The following RBFOX3 variants were observed in gnomAD, a reference collection of about 807,000 sequenced individuals.
The protein encoded by RBFOX3 is RNA binding protein fox-1 homolog 3.
Under a neutral mutation model 48.7 loss-of-function variants are expected in RBFOX3, and 17 were observed. The ratio of observed to expected loss-of-function variants is 0.35; its 90% CI spans 0.24 to 0.52. The LOEUF is 0.52. Ranked by LOEUF, RBFOX3 falls within the 20% of genes least tolerant of loss-of-function variation. The pLI is 0.94. For synonymous variants in RBFOX3, 212 were observed against 209.5 expected (o/e 1.01, Z -0.10); for missense variants, 382 against 497.5 (o/e 0.77, Z 2.21).
chr17:79,114,607 G>C (rs1000630230), intron 5 of RBFOX3, among the ~76,000 whole-genome samples: 4 of 152,240 alleles, frequency 2.6e-5, no homozygotes, highest in African/African-American at 9.6e-5. Context: ...TCGGGAGGGG[G>C]ACCCCCATTG....
At chr17:79,219,945 C>T (rs1481302135) in intron 4 of RBFOX3, among the ~76,000 whole-genome samples, 2 of 151,834 alleles carry the variant, frequency 1.3e-5, no homozygotes, top group African/African-American at 2.4e-5. Flanking sequence ...CCCCCTGTCC[C>T]AGCCCCACCG....
intron 2 of RBFOX3, among the ~76,000 whole-genome samples, chr17:79,313,611 A>G (rs528979209): frequency 6.6e-5 from 10 of 152,100 alleles, no homozygotes; most frequent in Non-Finnish European, 1.3e-4. Context: ...GCGGGGCGGG[A>G]CCTCATCTTT....
At chr17:79,406,871 C>G (rs751578753) in intron 2 of RBFOX3, among the ~76,000 whole-genome samples, 4 of 152,182 alleles carry the variant, frequency 2.6e-5, no homozygotes, top group Non-Finnish European at 5.9e-5. Context: ...AAGAAATACC[C>G]GAAGCTGGCT....
intron 2 of RBFOX3, among the ~76,000 whole-genome samples, chr17:79,334,955 ATT>A (rs901672285): frequency 3.3e-5 from 5 of 152,078 alleles, no homozygotes; most frequent in African/African-American, 4.8e-5. Context: ...AACCTTGGAC[ATT>A]CTGTCTAGAA....
chr17:79,307,386 T>G (rs2076245156), intron 3 of RBFOX3, among the ~76,000 whole-genome samples: 1 of 152,240 alleles, frequency 6.6e-6, no homozygotes, highest in African/African-American at 2.4e-5. Context: ...GAGAGTTTAA[T>G]AAAAAGGCAG....
At chr17:79,332,577 A>AG (rs2080492823) in intron 2 of RBFOX3, among the ~76,000 whole-genome samples, 1 of 152,088 alleles carries the variant, frequency 6.6e-6, no homozygotes, top group Non-Finnish European at 1.5e-5. Flanking sequence ...GGGGAGACAG[A>AG]AACATAGAAC....
At chr17:79,406,264 C>G (rs548768730) in intron 2 of RBFOX3, among the ~76,000 whole-genome samples, 1 of 152,324 alleles carries the variant, frequency 6.6e-6, no homozygotes, top group East Asian at 1.9e-4. Context: ...TTTGCTCGTT[C>G]TCCCAGCTGC....
At chr17:79,645,212 A>T in the RBFOX3 span, among the ~76,000 whole-genome samples, 1 of 152,036 alleles carries the variant, frequency 6.6e-6, no homozygotes, top group East Asian at 1.9e-4. Flanking sequence ...TCTTTCGCTC[A>T]TTCTTAGGTC....
chr17:79,296,833 TC>T (rs1221024681), intron 3 of RBFOX3, among the ~76,000 whole-genome samples: 3 of 69,130 alleles, frequency 4.3e-5, no homozygotes, highest in African/African-American at 1.8e-4. Context: ...CCCTTCTTCC[TC>T]CCCCCTCCTC....
chr17:79,334,223 G>T (rs1568061518), intron 2 of RBFOX3, among the ~76,000 whole-genome samples: 2 of 152,120 alleles, frequency 1.3e-5, no homozygotes, highest in South Asian at 2.1e-4. Context: ...CGAGACTCCT[G>T]TGTCCTAGTA....
intron 3 of RBFOX3, among the ~76,000 whole-genome samples, chr17:79,259,776 CAG>C (rs1223289740): frequency 6.6e-5 from 10 of 152,258 alleles, no homozygotes; most frequent in Middle Eastern, 3.4e-3. Context: ...CCCCGCATCT[CAG>C]GGTCACAGTA....
At chr17:79,211,135 C>T (rs956876850) in intron 4 of RBFOX3, among the ~76,000 whole-genome samples, 23 of 152,354 alleles carry the variant, frequency 1.5e-4, no homozygotes, top group African/African-American at 2.4e-4. Flanking sequence ...CCTTCTCCAG[C>T]GTCCGGCGGT....
chr17:79,105,597 C>T (rs1026387366), intron 6 of RBFOX3, among the ~76,000 whole-genome samples: 4 of 152,188 alleles, frequency 2.6e-5, no homozygotes, highest in African/African-American at 4.8e-5. Flanking sequence ...GCTCCTGAGA[C>T]GGGGAGTGGA....
the RBFOX3 span, among the ~76,000 whole-genome samples, chr17:79,654,178 G>T: frequency 6.6e-6 from 1 of 152,196 alleles, no homozygotes; most frequent in African/African-American, 2.4e-5. Flanking sequence ...CTCATTCATT[G>T]CACAGACTGG....
At position 79,459,176 on chromosome 17, in the gene RBFOX3, G is replaced by A. The variant is rs940411072; in HGVS notation, c.-175+23278C>T. Reference sequence around the variant, plus strand: ...GTCCCTCTTCTGGCATGACTCACAGGCCCAGGTGGCTCTCAGAGTGCATAG... The same window carrying A: ...GTCCCTCTTCTGGCATGACTCACAGACCCAGGTGGCTCTCAGAGTGCATAG... On this transcript the variant is annotated intron_variant, in intron 2 of 14. Transcript: ENST00000693108. 1.0e-3 allele frequency among the ~76,000 whole-genome samples: 154 copies of A among 152,282 alleles called. 1 individual carries two copies. The highest frequency in any genetic ancestry group is 3.5e-3 in the African/African-American group (145 of 41,550).
intron 2 of RBFOX3, among the ~76,000 whole-genome samples, chr17:79,327,852 C>T (rs2079572798): frequency 6.6e-6 from 1 of 152,186 alleles, no homozygotes; most frequent in South Asian, 2.1e-4. Flanking sequence ...TGTGTCACCA[C>T]ACCTGGCTAA....
At chr17:79,564,500 C>A (rs2092381241) in intron 1 of RBFOX3, among the ~76,000 whole-genome samples, 2 of 152,158 alleles carry the variant, frequency 1.3e-5, no homozygotes, top group African/African-American at 4.8e-5. Flanking sequence ...GACGCCTTAG[C>A]AGAACGGTGC....
intron 4 of RBFOX3, chr17:79,233,530 T>C (rs181398177): frequency 5.1e-4 from 77 of 152,230 alleles, no homozygotes; most frequent in African/African-American, 1.8e-3. Flanking sequence ...TCAATAAAAC[T>C]ATTTAAAAAA....
At chr17:79,387,177 G>GCCA (rs2060670639) in intron 2 of RBFOX3, among the ~76,000 whole-genome samples, 1 of 152,068 alleles carries the variant, frequency 6.6e-6, no homozygotes, top group Non-Finnish European at 1.5e-5. Flanking sequence ...ATGGGGTCTG[G>GCCA]CCACACTCAT....
Sources: gnomAD v4.1 joint callset for allele counts (sites outside exome capture counted in the v4.1 genomes callset) on GRCh38, gnomAD v4.1.1 for gene constraint, MANE v1.5 for transcripts, NCBI Gene and HGNC (gene_info 2026-07-23, HGNC 2026-07-21) for gene names.